The following ENOX1 variants were observed in gnomAD, a reference collection of about 807,000 sequenced individuals.
The protein encoded by ENOX1 is ecto-NOX disulfide-thiol exchanger 1.
ENOX1 carries 42 observed loss-of-function variants against 82.5 expected under a neutral mutation model. The ratio of observed to expected loss-of-function variants is 0.51; its 90% CI spans 0.40 to 0.66. The LOEUF is 0.66. Among genes scored for constraint, ENOX1 ranks in the 30% least tolerant of loss-of-function variants. The pLI is 0.00. For missense variants in ENOX1, 608 were observed against 811.6 expected (o/e 0.75, Z 3.05); for synonymous variants, 271 against 282.2 (o/e 0.96, Z 0.40).
intron 2 of ENOX1, among the ~76,000 whole-genome samples, chr13:43,494,490 G>A (rs1323802499): frequency 2.0e-5 from 3 of 152,050 alleles, no homozygotes; most frequent in South Asian, 2.1e-4. Context: ...AGAAAATGAC[G>A]GAACAGTCCC....
At position 43,305,334 on chromosome 13, in the gene ENOX1, T is replaced by C. The variant is rs1807512500; in HGVS notation, c.1262-6804A>G. On this transcript the variant is annotated intron_variant, in intron 11 of 16. Transcript: ENST00000690772. Reference sequence around the variant, plus strand: ...TACATTTTTGCAGGATTATTATTATTACAACTTAGCATTGACATAACATTT... The same window carrying C: ...TACATTTTTGCAGGATTATTATTATCACAACTTAGCATTGACATAACATTT... 2.0e-5 allele frequency among the ~76,000 whole-genome samples: 3 copies of C among 152,236 alleles called. No homozygotes were observed. In the South Asian group the frequency reaches 6.2e-4, roughly 31 times the overall value.
intron 2 of ENOX1, among the ~76,000 whole-genome samples, chr13:43,602,181 T>C (rs889661637): frequency 2.6e-5 from 4 of 152,090 alleles, no homozygotes; most frequent in South Asian, 2.1e-4. Context: ...GCATTATATA[T>C]GATTACATAA....
chr13:43,346,584 G>A (rs1226513002), intron 8 of ENOX1, among the ~76,000 whole-genome samples: 1 of 152,198 alleles, frequency 6.6e-6, no homozygotes, highest in Non-Finnish European at 1.5e-5. Flanking sequence ...TGGAATTTCA[G>A]TCTAAGTTCA....
intron 14 of ENOX1, among the ~76,000 whole-genome samples, chr13:43,256,200 C>A (rs1173621910): frequency 6.6e-6 from 1 of 152,142 alleles, no homozygotes; most frequent in Non-Finnish European, 1.5e-5. Context: ...TATGAAACTA[C>A]TAGGAGAAAA....
At chr13:43,683,691 G>A (rs1238819819) in intron 1 of ENOX1, among the ~76,000 whole-genome samples, 3 of 152,012 alleles carry the variant, frequency 2.0e-5, no homozygotes, top group Non-Finnish European at 2.9e-5. Flanking sequence ...AGGGGTATGT[G>A]CCCTCCTGAA....
At chr13:43,490,194 G>T (rs1335295838) in intron 2 of ENOX1, among the ~76,000 whole-genome samples, 2 of 152,048 alleles carry the variant, frequency 1.3e-5, no homozygotes, top group East Asian at 3.9e-4. Context: ...CACCTGCCTC[G>T]GCCTCCCAAA....
At chr13:43,411,866 A>AGG (rs2054148142) in intron 5 of ENOX1, 50 bp downstream of exon 5, 2 of 1,607,162 alleles carry the variant, frequency 1.2e-6, no homozygotes, top group African/African-American at 1.3e-5. Context: ...CCTGTCACCT[A>AGG]CACCCTTCGG....
At chr13:43,492,683 C>T (rs1401606290) in intron 2 of ENOX1, among the ~76,000 whole-genome samples, 1 of 152,124 alleles carries the variant, frequency 6.6e-6, no homozygotes, top group Non-Finnish European at 1.5e-5. Flanking sequence ...AAATACTTGC[C>T]TCATTCTGTC....
chr13:43,456,520 T>C (rs1315753391), intron 3 of ENOX1, among the ~76,000 whole-genome samples: 1 of 152,038 alleles, frequency 6.6e-6, no homozygotes, highest in African/African-American at 2.4e-5. Context: ...TGCCAATCAG[T>C]CATTTTTTGG....
In ENOX1 at chr13:43,356,093, C is replaced by A; in HGVS notation, c.649G>T (p.Asp217Tyr). The change falls in exon 8 of 17, where the codon GAC becomes TAC. Residue 217 changes from aspartate (D) to tyrosine (Y), a missense_variant. Transcript: ENST00000690772. Reference protein sequence around the residue: ...DKKDSGRLHVDFAQARDDFYE... With the variant: ...DKKDSGRLHVYFAQARDDFYE... The stretch of plus-strand genomic sequence containing the variant: ...AAGTCATCCCTGGCCTGGGCAAAGT[C>A]CACATGAAGGCGGCCTGAATCCTTT... 6.2e-7 allele frequency: 1 copy of A among 1,614,202 alleles called. No homozygotes were observed. Among genetic ancestry groups the A allele is most frequent in the Non-Finnish European group, 8.5e-7 (1 of 1,180,040 alleles).
chr13:43,339,396 G>T (rs2048927907), intron 9 of ENOX1, among the ~76,000 whole-genome samples: 1 of 152,180 alleles, frequency 6.6e-6, no homozygotes, highest in African/African-American at 2.4e-5. Flanking sequence ...CACATCTGAA[G>T]TTTCCCTTGT....
At chr13:43,512,830 C>A (rs925397138) in intron 2 of ENOX1, among the ~76,000 whole-genome samples, 1 of 152,010 alleles carries the variant, frequency 6.6e-6, no homozygotes, top group African/African-American at 2.4e-5. Context: ...CTCATGAGGT[C>A]AGCATCTGTG....
At chr13:43,679,348 G>T (rs1026183553) in intron 1 of ENOX1, among the ~76,000 whole-genome samples, 4 of 152,082 alleles carry the variant, frequency 2.6e-5, no homozygotes, top group African/African-American at 9.7e-5. Context: ...ATCTTTGAGG[G>T]TTTACCAGGA....
At chr13:43,711,583 T>C (rs1323762250) in intron 1 of ENOX1, among the ~76,000 whole-genome samples, 1 of 152,040 alleles carries the variant, frequency 6.6e-6, no homozygotes, top group African/African-American at 2.4e-5. Context: ...CCAGCACCTG[T>C]TGTTTCCTGA....
chr13:43,730,384 C>T (rs572719976), intron 1 of ENOX1, among the ~76,000 whole-genome samples: 26 of 152,258 alleles, frequency 1.7e-4, no homozygotes, highest in African/African-American at 4.8e-4. Flanking sequence ...CACCAGATAG[C>T]CAAACAAGGA....
chr13:43,607,078 A>G (rs1351468593), intron 2 of ENOX1, among the ~76,000 whole-genome samples: 1 of 152,196 alleles, frequency 6.6e-6, no homozygotes, highest in African/African-American at 2.4e-5. Context: ...TTTATTATAC[A>G]TTAAAAAATA....
intron 14 of ENOX1, among the ~76,000 whole-genome samples, chr13:43,257,991 C>T (rs1024807837): frequency 6.6e-6 from 1 of 152,150 alleles, no homozygotes; most frequent in Admixed American, 6.5e-5. Flanking sequence ...CTTTATTAAA[C>T]TTGCTAATCC....
intron 1 of ENOX1, among the ~76,000 whole-genome samples, chr13:43,735,639 T>C (rs2089587594): frequency 6.6e-6 from 1 of 152,012 alleles, no homozygotes; most frequent in Non-Finnish European, 1.5e-5. Flanking sequence ...GAGAACTGCT[T>C]GAATCCAGGA....
intron 14 of ENOX1, among the ~76,000 whole-genome samples, chr13:43,244,505 T>A (rs2042987144): frequency 6.6e-6 from 1 of 152,172 alleles, no homozygotes; most frequent in African/African-American, 2.4e-5. Context: ...TCTGTCAGTG[T>A]TGTTGTTATT....
Sources: allele counts gnomAD v4.1 joint callset (sites outside exome capture counted in the v4.1 genomes callset), GRCh38; gene constraint gnomAD v4.1.1; transcripts MANE v1.5; gene names NCBI Gene and HGNC (gene_info 2026-07-23, HGNC 2026-07-21).